The following PRELID2 variants were observed in gnomAD, a reference collection of about 807,000 sequenced individuals.
PRELID2 encodes the protein PRELI domain-containing protein 2.
A neutral mutation model predicts 28.4 loss-of-function variants in PRELID2; 25 were observed. The observed-to-expected ratio is 0.88, with a 90% CI of 0.64 to 1.23. The LOEUF is 1.23. Among genes scored for constraint, PRELID2 ranks in the 50% most tolerant of loss-of-function variants. The pLI is 0.00. For synonymous variants in PRELID2, 76 were observed against 71.6 expected, an observed-to-expected ratio of 1.06 and a Z score of -0.31; for missense variants, 201 against 214.4, an observed-to-expected ratio of 0.94 and a Z score of 0.39.
intron 1 of PRELID2, among the ~76,000 whole-genome samples, chr5:145,677,770 G>A (rs1044170783): frequency 6.6e-6 from 1 of 152,190 alleles, no homozygotes; most frequent in Non-Finnish European, 1.5e-5. Context: ...TGGGGATAAA[G>A]TGTGAATTAT....
the PRELID2 span, among the ~76,000 whole-genome samples, chr5:145,259,163 G>C: frequency 6.6e-6 from 1 of 152,210 alleles, no homozygotes; most frequent in Non-Finnish European, 1.5e-5. Flanking sequence ...AAAAATACTG[G>C]GTGCCCAGGC....
the PRELID2 span, among the ~76,000 whole-genome samples, chr5:145,293,120 T>C: frequency 6.6e-6 from 1 of 152,128 alleles, no homozygotes; most frequent in African/African-American, 2.4e-5. Context: ...TGTGCCCTTT[T>C]AGAGAGGACA....
chr5:145,254,241 C>A, the PRELID2 span, among the ~76,000 whole-genome samples: 1 of 152,066 alleles, frequency 6.6e-6, no homozygotes, highest in African/African-American at 2.4e-5. Flanking sequence ...TGTAAATATC[C>A]ATGTTAAACA....
chr5:145,250,108 A>G, the PRELID2 span, among the ~76,000 whole-genome samples: 1 of 152,100 alleles, frequency 6.6e-6, no homozygotes, highest in Non-Finnish European at 1.5e-5. Context: ...TTGGGAAGGC[A>G]ATATTATTGG....
chr5:145,251,691 G>A, the PRELID2 span, among the ~76,000 whole-genome samples: 1 of 152,078 alleles, frequency 6.6e-6, no homozygotes, highest in Non-Finnish European at 1.5e-5. Flanking sequence ...TGCATTTTCT[G>A]TCTCTAGGTC....
At chr5:145,760,668 C>G (rs1757431036) in intron 6 of PRELID2, 143 bp from the exon 7 acceptor site, 1 of 152,136 alleles carries the variant, frequency 6.6e-6, no homozygotes, top group Non-Finnish European at 1.5e-5. Flanking sequence ...GCATTTCTCC[C>G]TCCTAATGAT....
At chr5:145,401,733 A>G in the PRELID2 span, among the ~76,000 whole-genome samples, 1 of 152,134 alleles carries the variant, frequency 6.6e-6, no homozygotes, top group Non-Finnish European at 1.5e-5. Flanking sequence ...TATCTAAAGT[A>G]GCAATTTGTG....
intron 1 of PRELID2, among the ~76,000 whole-genome samples, chr5:145,651,306 G>A (rs908024326): frequency 1.3e-5 from 2 of 152,172 alleles, no homozygotes; most frequent in African/African-American, 4.8e-5. Flanking sequence ...AGGCCTGCCT[G>A]CCTCTGTAGA....
chr5:145,521,074 T>C (rs1752559324), intron 1 of PRELID2, among the ~76,000 whole-genome samples: 1 of 152,170 alleles, frequency 6.6e-6, no homozygotes. Context: ...TCTACGGCTT[T>C]CATGGGTAAG....
At chr5:145,374,635 G>A in the PRELID2 span, among the ~76,000 whole-genome samples, 2 of 151,966 alleles carry the variant, frequency 1.3e-5, no homozygotes, top group Non-Finnish European at 2.9e-5. Context: ...CACAGCTTTG[G>A]TCTTTTTATG....
chr5:145,728,504 C>T, intron 1 of PRELID2: 1 of 696,748 alleles, frequency 1.4e-6, no homozygotes, highest in Non-Finnish European at 2.6e-6. Context: ...AGCAGGAAAA[C>T]CAGAGTTTGG....
At chr5:145,626,516 A>C (rs1006991501) in intron 1 of PRELID2, among the ~76,000 whole-genome samples, 6 of 152,136 alleles carry the variant, frequency 3.9e-5, no homozygotes, top group African/African-American at 1.4e-4. Context: ...AAAAAGTAAA[A>C]AAATGTAGAT....
chr5:145,726,214 A>T (rs1756146208), intron 1 of PRELID2, among the ~76,000 whole-genome samples: 1 of 125,938 alleles, frequency 7.9e-6, no homozygotes, highest in Non-Finnish European at 1.6e-5. Context: ...CGAAAGAGAG[A>T]AGAAAGGAAG....
At chr5:145,255,610 T>TA in the PRELID2 span, among the ~76,000 whole-genome samples, 35 of 146,274 alleles carry the variant, frequency 2.4e-4, no homozygotes, top group South Asian at 3.9e-3. Flanking sequence ...TTGTCTCTAT[T>TA]AAAAAAAAAA....
the PRELID2 span, among the ~76,000 whole-genome samples, chr5:145,444,631 C>T: frequency 6.6e-6 from 1 of 151,912 alleles, no homozygotes; most frequent in East Asian, 1.9e-4. Context: ...GCCATTAGCC[C>T]CCTCCCTTTT....
At chr5:145,817,424 T>C (rs920562416) in intron 4 of PRELID2, among the ~76,000 whole-genome samples, 7 of 129,896 alleles carry the variant, frequency 5.4e-5, no homozygotes, top group South Asian at 2.4e-4. Flanking sequence ...GCTAGTTTTA[T>C]ATATATATAT....
intron 1 of PRELID2, among the ~76,000 whole-genome samples, chr5:145,731,576 TAATTAC>T (rs1236252194): frequency 6.6e-6 from 1 of 152,234 alleles, no homozygotes; most frequent in Non-Finnish European, 1.5e-5. Flanking sequence ...AAAATGAGGC[TAATTAC>T]AACATGGCAG....
intron 1 of PRELID2, among the ~76,000 whole-genome samples, chr5:145,492,227 T>C (rs1374615634): frequency 6.6e-6 from 1 of 152,244 alleles, no homozygotes; most frequent in Non-Finnish European, 1.5e-5. Flanking sequence ...ATACAAGATG[T>C]GAGGTGGTAT....
At chr5:145,414,716 T>A in the PRELID2 span, among the ~76,000 whole-genome samples, 1 of 152,188 alleles carries the variant, frequency 6.6e-6, no homozygotes, top group African/African-American at 2.4e-5. Flanking sequence ...TATTTTAAAC[T>A]TTTGCTGAAT....
Sources: gnomAD v4.1 joint callset for allele counts (sites outside exome capture counted in the v4.1 genomes callset) on GRCh38, gnomAD v4.1.1 for gene constraint, MANE v1.5 for transcripts, NCBI Gene and HGNC (gene_info 2026-07-23, HGNC 2026-07-21) for gene names.